Variants in GPR83 observed in about 807,000 individuals in gnomAD.
The protein encoded by GPR83 is G protein-coupled receptor 83, also known as G-protein coupled receptor 72.
Under a neutral mutation model 28.0 loss-of-function variants are expected in GPR83, and 23 were observed. The observed-to-expected ratio is 0.82, with a 90% CI of 0.59 to 1.16. The LOEUF (loss-of-function observed/expected upper bound fraction) is 1.16, where lower values mean the gene tolerates loss of function less well. Ranked by LOEUF, GPR83 falls within the 50% of genes most tolerant of loss-of-function variation. The pLI, the probability that GPR83 is intolerant of heterozygous loss-of-function variation, is 0.00. For missense variants in GPR83, 610 were observed against 536.6 expected (o/e 1.14, Z -1.35); for synonymous variants, 234 against 215.4 (o/e 1.09, Z -0.76).
In GPR83 at chr11:94,393,592, C is replaced by G. The variant is rs1284161558; in HGVS notation, c.540G>C (p.Arg180=). The G allele has an allele frequency of 1.2e-6, 2 of 1,613,844 alleles. No individual in the cohort carries two copies. The highest frequency in any genetic ancestry group is 2.7e-5 in the African/African-American group (2 of 74,902). The stretch of plus-strand genomic sequence containing the variant: ...AGATGACACCCTTTGTGATTGAGAT[C>G]CGGGGTTTCAAGGGGTGCATGATGA... ...HQVIMHPLKP[R]ISITKGVIYI... is the part of the protein sequence containing the mutation. The change falls in exon 3 of 4, where the codon CGG becomes CGC. Residue 180 remains arginine (R), a synonymous_variant. Transcript: ENST00000243673.
rs3740866 is a variant in GPR83 at position 94,379,905 on chromosome 11, C to T, written c.*244G>A. ...TCCTCGCTCCTCTTCCTCAGAGATA[C>T]AGGCTGCTGTGCCTCCCAGTGTTTC... On this transcript the variant is annotated 3_prime_UTR_variant, in exon 4 of 4. Transcript: ENST00000243673. 32,766 of 354,576 alleles carry T rather than the reference C, an allele frequency of 0.092. 1,738 individuals are homozygous for T. The highest frequency in any genetic ancestry group is 0.15 in the Admixed American group (3,637 of 23,920). 22.0% of individuals were successfully genotyped at this position (354,576 alleles called of 1,614,324 possible).
chr11:94,398,292 C>T (rs1944884043), intron 1 of GPR83, among the ~76,000 whole-genome samples: 1 of 152,160 alleles, frequency 6.6e-6, no homozygotes, highest in African/African-American at 2.4e-5. Flanking sequence ...TATCCAGGCC[C>T]CTTCACAACC....
chr11:94,381,558 A>AGAGTGTGTGTGTGTGT (rs147855341), intron 3 of GPR83, among the ~76,000 whole-genome samples: 5 of 148,054 alleles, frequency 3.4e-5, no homozygotes, highest in Admixed American at 1.4e-4. Context: ...GGAGTGAGTG[A>AGAGTGTGTGTGTGTGT]GTGTGTGTGT....
chr11:94,384,393 G>A (rs1306631568), intron 3 of GPR83, among the ~76,000 whole-genome samples: 1 of 152,290 alleles, frequency 6.6e-6, no homozygotes, highest in East Asian at 1.9e-4. Flanking sequence ...AACAGCTCCA[G>A]TCTACAGCTC....
chr11:94,393,194 C>T (rs1220439728), intron 3 of GPR83, among the ~76,000 whole-genome samples: 3 of 152,140 alleles, frequency 2.0e-5, no homozygotes, highest in Non-Finnish European at 4.4e-5. Flanking sequence ...TCTCAGGCTG[C>T]GTAAGTACGG....
chr11:94,385,925 A>T (rs1944750183), intron 3 of GPR83, among the ~76,000 whole-genome samples: 1 of 152,216 alleles, frequency 6.6e-6, no homozygotes, highest in Non-Finnish European at 1.5e-5. Context: ...AACGAAGGAA[A>T]AAATGTTAAG....
chr11:94,383,834 G>A (rs930756430), intron 3 of GPR83, among the ~76,000 whole-genome samples: 3 of 152,088 alleles, frequency 2.0e-5, no homozygotes, highest in South Asian at 2.1e-4. Flanking sequence ...AATTGAGGCA[G>A]TAATTAATAG....
rs1051302291 is a variant in GPR83 at position 94,388,926 on chromosome 11, C to T, written c.647+4559G>A. 7.2e-4 allele frequency among the ~76,000 whole-genome samples: 109 copies of T among 152,278 alleles called. 2 individuals carry two copies. The highest frequency in any genetic ancestry group is 2.6e-3 in the African/African-American group (108 of 41,544). ...TCATGCTACCTGACTTCAAACTATA[C>T]TACAAGGCTACAGTAACCAAAACAG... On this transcript the variant is annotated intron_variant, in intron 3 of 3. Transcript: ENST00000243673.
At chr11:94,394,645 C>T (rs912262838) in intron 2 of GPR83, among the ~76,000 whole-genome samples, 2 of 151,952 alleles carry the variant, frequency 1.3e-5, no homozygotes, top group Admixed American at 1.3e-4. Flanking sequence ...TTAATTCCTC[C>T]CAATGTTTTC....
chr11:94,393,438 A>C (rs1408290670), intron 3 of GPR83, 47 bp downstream of exon 3: 1 of 1,596,668 alleles, frequency 6.3e-7, no homozygotes. Flanking sequence ...AGCCTGACTC[A>C]GGAGAAGACA....
intron 1 of GPR83, among the ~76,000 whole-genome samples, chr11:94,397,183 GT>G (rs973345534): frequency 6.6e-6 from 1 of 152,174 alleles, no homozygotes; most frequent in African/African-American, 2.4e-5. Flanking sequence ...ATGAACAGGT[GT>G]GGGGAGAGAA....
Position 94,395,599 on chromosome 11 carries a change from C to A in GPR83, c.513+800G>T, listed in dbSNP as rs1457408921. Among the ~76,000 whole-genome samples, 3 of 152,344 alleles carry A rather than the reference C, an allele frequency of 2.0e-5. No homozygotes were observed. The East Asian group carries it at 5.8e-4, about 29-fold the overall frequency. The stretch of plus-strand genomic sequence containing the variant: ...TAGGTCTAAGCGTACAACGTGAGTT[C>A]ATTGAGTAAGCATGGAAAAGGCACC... On this transcript the variant is annotated intron_variant, in intron 2 of 3. Coordinates refer to ENST00000243673, the MANE Select transcript of GPR83 (RefSeq NM_016540.4).
chr11:94,397,576 G>A (rs1591608859), intron 1 of GPR83, among the ~76,000 whole-genome samples: 1 of 152,320 alleles, frequency 6.6e-6, no homozygotes, highest in East Asian at 1.9e-4. Context: ...AAGGCATTGG[G>A]CCCTCTGAGC....
At chr11:94,388,664 A>C (rs1944783609) in intron 3 of GPR83, among the ~76,000 whole-genome samples, 1 of 152,220 alleles carries the variant, frequency 6.6e-6, no homozygotes, top group Non-Finnish European at 1.5e-5. Flanking sequence ...CTGCTCAAGG[A>C]AATAAAAGAG....
At chr11:94,399,197 A>G (rs989332208) in intron 1 of GPR83, among the ~76,000 whole-genome samples, 2 of 152,202 alleles carry the variant, frequency 1.3e-5, no homozygotes, top group Non-Finnish European at 2.9e-5. Flanking sequence ...GGAGGCGCCA[A>G]CGGGTGACAG....
chr11:94,389,151 T>A, intron 3 of GPR83, among the ~76,000 whole-genome samples: 1 of 152,216 alleles, frequency 6.6e-6, no homozygotes, highest in South Asian at 2.1e-4. Flanking sequence ...ATCCCTTCCT[T>A]ACACCTTACA....
At position 94,393,736 on chromosome 11, in the gene GPR83, G is replaced by A. The variant is rs141528845; in HGVS notation, c.514-118C>T. ...AGCACTTTGGGAGTCTGAGGCAGAA[G>A]GATCACTTGAGCCCAGGAGTTCTAG... On this transcript the variant is annotated intron_variant, in intron 2 of 3. Coordinates refer to ENST00000243673, the MANE Select transcript of GPR83 (RefSeq NM_016540.4). The A allele has an allele frequency of 8.4e-4, 729 of 863,736 alleles. 2 individuals carry two copies. The African/African-American group carries it at 0.011, about 13-fold the overall frequency. 53.5% of individuals were successfully genotyped at this position (863,736 alleles called of 1,614,324 possible). A position where few individuals can be genotyped will look rare whatever the true frequency, so the allele number is the denominator to read the frequency against.
chr11:94,398,299 A>G (rs1239883707), intron 1 of GPR83, among the ~76,000 whole-genome samples: 3 of 151,906 alleles, frequency 2.0e-5, no homozygotes, highest in Non-Finnish European at 4.4e-5. Flanking sequence ...GCCCCTTCAC[A>G]ACCTGGCCCC....
At chr11:94,397,362 G>T (rs1944876380) in intron 1 of GPR83, among the ~76,000 whole-genome samples, 1 of 152,192 alleles carries the variant, frequency 6.6e-6, no homozygotes, top group Non-Finnish European at 1.5e-5. Context: ...TGCAGCCAGG[G>T]CAGAGGCGGG....
Sources: allele counts gnomAD v4.1 joint callset (sites outside exome capture counted in the v4.1 genomes callset), GRCh38; gene constraint gnomAD v4.1.1; transcripts MANE v1.5; gene names NCBI Gene and HGNC (gene_info 2026-07-23, HGNC 2026-07-21).